ASCC3: variants seen among roughly 807,000 people sequenced by gnomAD.
The protein encoded by ASCC3 is activating signal cointegrator 1 complex subunit 3.
ASCC3 carries 158 observed loss-of-function variants against 256.3 expected under a neutral mutation model. That is an observed-to-expected ratio of 0.62 (90% confidence interval 0.54 to 0.70). The LOEUF (loss-of-function observed/expected upper bound fraction) is 0.70. ASCC3 is among the 30% of genes least tolerant of loss of function. The pLI is 0.00. For missense variants in ASCC3, 2,259 were observed against 2,626.0 expected, an observed-to-expected ratio of 0.86 and a Z score of 3.05; for synonymous variants, 948 against 883.4, an observed-to-expected ratio of 1.07 and a Z score of -1.30.
At chr6:100,815,558 A>G (rs78051032) in intron 4 of ASCC3, among the ~76,000 whole-genome samples, 1 of 152,104 alleles carries the variant, frequency 6.6e-6, no homozygotes, top group Non-Finnish European at 1.5e-5. Flanking sequence ...GTATTGGTAC[A>G]AAAACTGATA....
intron 4 of ASCC3, among the ~76,000 whole-genome samples, chr6:100,841,686 TAAA>T (rs5878648): frequency 6.7e-6 from 1 of 149,378 alleles, no homozygotes; most frequent in Admixed American, 6.7e-5. Context: ...TTGTGCATAT[TAAA>T]AAAAAAAAGA....
intron 36 of ASCC3, among the ~76,000 whole-genome samples, chr6:100,563,151 T>G (rs1299796323): frequency 6.6e-6 from 1 of 152,244 alleles, no homozygotes; most frequent in East Asian, 1.9e-4. Flanking sequence ...CTTTCAGAAT[T>G]ATGACATATA....
intron 8 of ASCC3, among the ~76,000 whole-genome samples, chr6:100,783,194 A>G (rs1782527508): frequency 6.6e-6 from 1 of 152,072 alleles, no homozygotes; most frequent in African/African-American, 2.4e-5. Flanking sequence ...TACTCTTCTC[A>G]TGCCCCTTCA....
chr6:100,530,853 T>G (rs1181425361), intron 37 of ASCC3: 10 of 1,263,142 alleles, frequency 7.9e-6, no homozygotes, highest in Middle Eastern at 2.4e-4. Context: ...ATTTAAATTC[T>G]TAGACTTATG....
intron 10 of ASCC3, among the ~76,000 whole-genome samples, chr6:100,730,177 C>A (rs2115048041): frequency 6.6e-6 from 1 of 152,076 alleles, no homozygotes; most frequent in East Asian, 1.9e-4. Flanking sequence ...GTTGCACATG[C>A]CTGTAGTCTT....
chr6:100,816,286 AG>A (rs1440140874), intron 4 of ASCC3, among the ~76,000 whole-genome samples: 2 of 152,124 alleles, frequency 1.3e-5, no homozygotes, highest in African/African-American at 2.4e-5. Context: ...ACGGAGAAAA[AG>A]GCACACTTAT....
chr6:100,724,124 T>G (rs1466765674), intron 11 of ASCC3, among the ~76,000 whole-genome samples: 1 of 135,548 alleles, frequency 7.4e-6, no homozygotes, highest in Non-Finnish European at 1.6e-5. Flanking sequence ...CAAGGAAGGC[T>G]GAGAAAGAGT....
intron 3 of ASCC3, among the ~76,000 whole-genome samples, chr6:100,861,722 C>T (rs1478960894): frequency 6.6e-6 from 1 of 152,080 alleles, no homozygotes; most frequent in Non-Finnish European, 1.5e-5. Context: ...AGACATTAAT[C>T]TCAAAATAAT....
At chr6:100,630,387 T>C (rs1276940930) in intron 26 of ASCC3, among the ~76,000 whole-genome samples, 2 of 152,058 alleles carry the variant, frequency 1.3e-5, no homozygotes, top group African/African-American at 4.8e-5. Flanking sequence ...ATCCCTATCC[T>C]ATAGACAGCT....
At chr6:100,758,057 C>A (rs1462448086) in intron 10 of ASCC3, among the ~76,000 whole-genome samples, 1 of 151,936 alleles carries the variant, frequency 6.6e-6, no homozygotes, top group African/African-American at 2.4e-5. Flanking sequence ...GGCTACCATC[C>A]CACCCAGGAG....
chr6:100,595,472 A>G lies in ASCC3; in HGVS notation c.5304-5413T>C, dbSNP rs190097732. The stretch of plus-strand genomic sequence containing the variant: ...ATATATAAATTGTCAAAATTTACTT[A>G]GGCACATTTTTCCATTTTTATCTAG... On this transcript the variant is annotated intron_variant, in intron 34 of 41. Coordinates refer to ENST00000369162, the MANE Select transcript of ASCC3 (RefSeq NM_006828.4). 1.9e-4 allele frequency among the ~76,000 whole-genome samples: 29 copies of G among 152,306 alleles called. No individual in the cohort carries two copies. The East Asian group carries it at 3.1e-3, about 16-fold the overall frequency.
intron 8 of ASCC3, among the ~76,000 whole-genome samples, chr6:100,788,962 C>A (rs1582866361): frequency 6.6e-6 from 1 of 151,758 alleles, no homozygotes; most frequent in East Asian, 1.9e-4. Context: ...TTGATATTTA[C>A]AAAATCTACT....
chr6:100,842,561 T>C (rs962757228), intron 4 of ASCC3, among the ~76,000 whole-genome samples: 1 of 152,212 alleles, frequency 6.6e-6, no homozygotes, highest in African/African-American at 2.4e-5. Flanking sequence ...AAATGATTTA[T>C]AAAAATATGA....
Position 100,718,122 on chromosome 6 carries a change from G to T in ASCC3, c.2032C>A (p.Pro678Thr). Residue 678 changes from proline to threonine, a missense_variant, in exon 12 of 42, where the codon CCA becomes ACA. Transcript: ENST00000369162. Reference protein sequence around the residue: ...GLFFFDGRFRPVPLGQTFLGI... With the variant: ...GLFFFDGRFRTVPLGQTFLGI... ...AAAAATGTCTGTCCAAGAGGTACTG[G>T]TCGAAAACGGCCATCAAAGAAGAAA... The T allele has an allele frequency of 6.2e-7, 1 of 1,613,596 alleles. No individual in the cohort carries two copies. Among genetic ancestry groups the T allele is most frequent in the Non-Finnish European group, 8.5e-7 (1 of 1,179,746 alleles).
At chr6:100,730,544 A>G (rs1779853494) in intron 10 of ASCC3, among the ~76,000 whole-genome samples, 1 of 152,192 alleles carries the variant, frequency 6.6e-6, no homozygotes, top group Admixed American at 6.5e-5. Context: ...TGCAAGATTT[A>G]AGAACTACTG....
chr6:100,568,881 C>T (rs1229896139), intron 36 of ASCC3, among the ~76,000 whole-genome samples: 1 of 151,504 alleles, frequency 6.6e-6, no homozygotes, highest in Admixed American at 6.6e-5. Context: ...AGGTTCATGC[C>T]ATTCTCCTGC....
intron 34 of ASCC3, among the ~76,000 whole-genome samples, chr6:100,601,314 A>C (rs1313695296): frequency 6.6e-6 from 1 of 152,154 alleles, no homozygotes; most frequent in Non-Finnish European, 1.5e-5. Flanking sequence ...CTCAGTGTTT[A>C]GTTTACCATC....
intron 11 of ASCC3, among the ~76,000 whole-genome samples, chr6:100,721,031 C>T (rs1273596435): frequency 6.7e-6 from 1 of 150,294 alleles, no homozygotes; most frequent in Non-Finnish European, 1.5e-5. Context: ...TGTAAACTTT[C>T]TAAGGTTATA....
At chr6:100,720,819 AATATATATG>A (rs1779292957) in intron 11 of ASCC3, among the ~76,000 whole-genome samples, 2 of 148,408 alleles carry the variant, frequency 1.3e-5, no homozygotes, top group South Asian at 4.2e-4. Flanking sequence ...ATACATATAT[AATATATATG>A]ATATACACTT....
Sources: gnomAD v4.1 joint callset for allele counts (sites outside exome capture counted in the v4.1 genomes callset) on GRCh38, gnomAD v4.1.1 for gene constraint, MANE v1.5 for transcripts, NCBI Gene and HGNC (gene_info 2026-07-23, HGNC 2026-07-21) for gene names.